SLC39A11: variants seen among roughly 807,000 people sequenced by gnomAD.
SLC39A11 encodes the protein zinc transporter ZIP11.
In SLC39A11, 33 loss-of-function variants were observed where a neutral mutation model predicts 36.1. The observed-to-expected ratio is 0.91, with a 90% CI of 0.69 to 1.22. The LOEUF is 1.22. Ranked by LOEUF, SLC39A11 falls within the 50% of genes most tolerant of loss-of-function variation. The pLI is 0.00. For missense variants in SLC39A11, 432 were observed against 430.3 expected, an observed-to-expected ratio of 1.00 and a Z score of -0.03; for synonymous variants, 166 against 170.3, an observed-to-expected ratio of 0.97 and a Z score of 0.20.
At chr17:72,957,546 C>T (rs1034938043) in intron 4 of SLC39A11, among the ~76,000 whole-genome samples, 4 of 152,208 alleles carry the variant, frequency 2.6e-5, no homozygotes, top group Non-Finnish European at 5.9e-5. Flanking sequence ...CGGCCAGGCG[C>T]CGCAGCTCAT....
At position 72,716,980 on chromosome 17, in the gene SLC39A11, A is replaced by AAAATAT. The variant is rs1555646774; in HGVS notation, c.671+19669_671+19670insATATTT. Among the ~76,000 whole-genome samples, 197 of 130,472 alleles carry AAAATAT rather than the reference A, an allele frequency of 1.5e-3. 3 individuals are homozygous for AAAATAT. The South Asian group carries it at 0.022, about 15-fold the overall frequency. The allele number at this position is 130,472 out of a possible 152,430, so 85.6% of individuals were successfully genotyped here. A position where few individuals can be genotyped will look rare whatever the true frequency, so the allele number is the denominator to read the frequency against. On this transcript the variant is annotated intron_variant, in intron 7 of 9. Coordinates refer to ENST00000255559, the MANE Select transcript of SLC39A11 (RefSeq NM_139177.4). Reference sequence around the variant, plus strand: ...GGAGACCCTGTCTCAAAAAAAAAAAAATATATATATATACACACACACACA... The same window carrying AAAATAT: ...GGAGACCCTGTCTCAAAAAAAAAAAAAAATATATATATATATATACACACACACACA...
At chr17:72,676,996 T>G (rs1567935323) in intron 7 of SLC39A11, among the ~76,000 whole-genome samples, 1 of 152,212 alleles carries the variant, frequency 6.6e-6, no homozygotes, top group East Asian at 1.9e-4. Context: ...CTTTGCTGCT[T>G]TTGCTTTGTA....
chr17:72,896,385 A>T (rs921412644), intron 5 of SLC39A11, among the ~76,000 whole-genome samples: 4 of 151,810 alleles, frequency 2.6e-5, no homozygotes, highest in African/African-American at 9.7e-5. Flanking sequence ...TATTTTTAGT[A>T]GAGACAGGGT....
chr17:73,088,885 A>C, intron 1 of SLC39A11, 110 bp from the exon 2 acceptor site: 1 of 731,644 alleles, frequency 1.4e-6, no homozygotes, highest in Admixed American at 2.1e-5. Context: ...CTCCAGGTTG[A>C]CCGTATGCAC....
In SLC39A11 at chr17:72,854,219, C is replaced by T. The variant is rs530378763; in HGVS notation, c.431-4415G>A. Among the ~76,000 whole-genome samples, 8 of 152,128 alleles carry T rather than the reference C, an allele frequency of 5.3e-5. 1 individual carries two copies. In the South Asian group the frequency reaches 1.0e-3, roughly 20 times the overall value. ...GAGTAACTGGTCCCAGGTCACACAG[C>T]CAGTCTGCAGTGGACTCAGGAGTCG... On this transcript the variant is annotated intron_variant, in intron 5 of 9. Transcript: ENST00000255559.
intron 3 of SLC39A11, among the ~76,000 whole-genome samples, chr17:73,075,106 T>C (rs907083764): frequency 2.0e-5 from 3 of 152,220 alleles, no homozygotes; most frequent in Non-Finnish European, 4.4e-5. Context: ...GCCTTCTCAC[T>C]CACATGAAAA....
intron 4 of SLC39A11, among the ~76,000 whole-genome samples, chr17:72,983,008 T>C (rs2088445570): frequency 6.6e-6 from 1 of 152,148 alleles, no homozygotes; most frequent in Admixed American, 6.5e-5. Flanking sequence ...GGATATTCAC[T>C]GCATCACTGT....
chr17:72,812,788 T>C (rs2077471862), intron 6 of SLC39A11, among the ~76,000 whole-genome samples: 1 of 152,244 alleles, frequency 6.6e-6, no homozygotes, highest in African/African-American at 2.4e-5. Flanking sequence ...CTCTTGTGTA[T>C]AAATATCTCG....
chr17:73,006,905 G>A (rs2090215326), intron 4 of SLC39A11, among the ~76,000 whole-genome samples: 1 of 152,082 alleles, frequency 6.6e-6, no homozygotes, highest in Admixed American at 6.5e-5. Flanking sequence ...TAAGCCTCGA[G>A]GATTCAATGA....
In SLC39A11 at chr17:72,914,025, C is replaced by T. The variant is rs531306468; in HGVS notation, c.430+33727G>A. Among the ~76,000 whole-genome samples, 636 of 85,540 alleles carry T rather than the reference C, an allele frequency of 7.4e-3. 5 individuals are homozygous for T. The highest frequency in any genetic ancestry group is 0.032 in the Middle Eastern group (4 of 124). 56.1% of individuals were successfully genotyped at this position (85,540 alleles called of 152,430 possible). A position where few individuals can be genotyped will look rare whatever the true frequency, so the allele number is the denominator to read the frequency against. On this transcript the variant is annotated intron_variant, in intron 5 of 9. Transcript: ENST00000255559. Reference sequence around the variant, plus strand: ...AAAATAATTGAAAGAAAAAAAAAGGCTGGGTGTGGTGATGCGTGGTGACTC... The same window carrying T: ...AAAATAATTGAAAGAAAAAAAAAGGTTGGGTGTGGTGATGCGTGGTGACTC...
chr17:72,665,390 T>TTTTTTG (rs2070694429), intron 7 of SLC39A11, among the ~76,000 whole-genome samples: 1 of 49,180 alleles, frequency 2.0e-5, no homozygotes, highest in African/African-American at 2.4e-4. Context: ...TTTTGAGGTG[T>TTTTTTG]TTTTTTTTTT....
chr17:72,871,532 G>T (rs2080628563), intron 5 of SLC39A11, among the ~76,000 whole-genome samples: 1 of 152,096 alleles, frequency 6.6e-6, no homozygotes, highest in Admixed American at 6.5e-5. Flanking sequence ...AGGGCCTACA[G>T]GTTGAGTTGA....
chr17:72,729,408 TATATATATATATATATATA>T (rs2074070449), intron 7 of SLC39A11, among the ~76,000 whole-genome samples: 1 of 4,452 alleles, frequency 2.2e-4, no homozygotes, highest in African/African-American at 7.8e-4. Context: ...TGGCTATTTA[TATATATATATATATATATA>T]TATATATATA....
intron 4 of SLC39A11, among the ~76,000 whole-genome samples, chr17:72,994,038 T>G (rs1226541702): frequency 6.6e-6 from 1 of 152,208 alleles, no homozygotes; most frequent in Non-Finnish European, 1.5e-5. Context: ...AACTACATAT[T>G]TAGCCTCACG....
At chr17:73,021,230 C>A (rs2058341668) in intron 4 of SLC39A11, among the ~76,000 whole-genome samples, 1 of 152,174 alleles carries the variant, frequency 6.6e-6, no homozygotes, top group African/African-American at 2.4e-5. Context: ...CTATGGAGCA[C>A]CCAGCTAGGG....
At chr17:72,685,116 C>T (rs1016920994) in intron 7 of SLC39A11, among the ~76,000 whole-genome samples, 2 of 152,012 alleles carry the variant, frequency 1.3e-5, no homozygotes, top group Non-Finnish European at 2.9e-5. Context: ...TCCTACATGC[C>T]AAGGCCCAAA....
chr17:73,035,459 G>A (rs750792255), intron 3 of SLC39A11, among the ~76,000 whole-genome samples: 6 of 152,236 alleles, frequency 3.9e-5, no homozygotes, highest in African/African-American at 7.2e-5. Context: ...TTTAAAGGGC[G>A]AGTGGGGTAG....
chr17:72,743,196 G>GA (rs2074784840), intron 6 of SLC39A11, among the ~76,000 whole-genome samples: 1 of 152,166 alleles, frequency 6.6e-6, no homozygotes, highest in East Asian at 1.9e-4. Flanking sequence ...ACCCAGCTGG[G>GA]GGGGCTAGAG....
intron 5 of SLC39A11, among the ~76,000 whole-genome samples, chr17:72,853,273 C>G (rs2079462494): frequency 6.6e-6 from 1 of 151,338 alleles, no homozygotes; most frequent in African/African-American, 2.4e-5. Context: ...AGCGATCCAC[C>G]TGCCTTGGCC....
Sources: allele counts gnomAD v4.1 joint callset (sites outside exome capture counted in the v4.1 genomes callset), GRCh38; gene constraint gnomAD v4.1.1; transcripts MANE v1.5; gene names NCBI Gene and HGNC (gene_info 2026-07-23, HGNC 2026-07-21).